The following FYN variants were observed in gnomAD, a reference collection of about 807,000 sequenced individuals.
FYN encodes the protein tyrosine-protein kinase Fyn.
FYN carries 10 observed loss-of-function variants against 70.2 expected under a neutral mutation model. That is an observed-to-expected ratio of 0.14 (90% CI 0.09 to 0.24). The LOEUF is 0.24. Ranked by LOEUF, FYN falls within the 10% of genes least tolerant of loss-of-function variation. The probability of loss-of-function intolerance (pLI) is 1.00; values close to 1 mark genes in which losing one functional copy is unlikely to be tolerated. For missense variants in FYN, 319 were observed against 673.1 expected, an observed-to-expected ratio of 0.47 and a Z score of 5.82; for synonymous variants, 236 against 248.6, an observed-to-expected ratio of 0.95 and a Z score of 0.48.
At position 111,676,372 on chromosome 6, in the gene FYN, T is replaced by A. The variant is rs1005584017; in HGVS notation, c.1274-1742A>T. The A allele has an allele frequency of 2.6e-3, 390 of 152,368 alleles. 1 individual carries two copies. Among genetic ancestry groups the A allele is most frequent in the African/African-American group, 8.9e-3 (372 of 41,588 alleles). 9.4% of individuals were successfully genotyped at this position (152,368 alleles called of 1,614,324 possible). On this transcript the variant is annotated intron_variant, in intron 12 of 13. Coordinates refer to ENST00000354650, the MANE Select transcript of FYN (RefSeq NM_002037.5). ...TTTCCTTTTATGCATGGAGTTATTT[T>A]TAATTAGTTATGTTTCTCAGGCATA...
intron 2 of FYN, among the ~76,000 whole-genome samples, chr6:111,787,137 G>A (rs897038644): frequency 2.6e-5 from 4 of 152,234 alleles, no homozygotes; most frequent in South Asian, 4.2e-4. Flanking sequence ...TGAAGTCCTC[G>A]CTCATGCCTA....
chr6:111,678,104 T>G (rs993439156), intron 12 of FYN, among the ~76,000 whole-genome samples: 8 of 84,108 alleles, frequency 9.5e-5, no homozygotes, highest in African/African-American at 4.2e-4. Flanking sequence ...ACGAAGGCCA[T>G]AATATGTGTG....
intron 12 of FYN, among the ~76,000 whole-genome samples, chr6:111,693,244 G>C (rs1004186964): frequency 6.6e-6 from 1 of 152,054 alleles, no homozygotes; most frequent in African/African-American, 2.4e-5. Context: ...GAAGGAGAAG[G>C]AAAAAGAGAA....
intron 2 of FYN, among the ~76,000 whole-genome samples, chr6:111,788,523 T>C (rs1457281066): frequency 5.3e-5 from 8 of 152,086 alleles, no homozygotes; most frequent in African/African-American, 1.9e-4. Context: ...AGAATGGGGG[T>C]GAGGGGAGAC....
intron 3 of FYN, chr6:111,758,991 C>T (rs555245936): frequency 1.3e-5 from 2 of 152,812 alleles, no homozygotes; most frequent in East Asian, 3.9e-4. Context: ...CATAACTGTC[C>T]ATGCAGTTCC....
At chr6:111,733,625 A>G (rs1801567164) in intron 3 of FYN, among the ~76,000 whole-genome samples, 2 of 151,732 alleles carry the variant, frequency 1.3e-5, no homozygotes, top group African/African-American at 4.8e-5. Flanking sequence ...GCATTAGCCC[A>G]GAACCAGGTT....
chr6:111,755,799 T>A (rs910443568), intron 3 of FYN, among the ~76,000 whole-genome samples: 1 of 152,136 alleles, frequency 6.6e-6, no homozygotes, highest in African/African-American at 2.4e-5. Flanking sequence ...GAAATAATTA[T>A]GGTAATTACA....
chr6:111,783,589 G>A (rs1039984954), intron 2 of FYN, among the ~76,000 whole-genome samples: 4 of 152,214 alleles, frequency 2.6e-5, no homozygotes, highest in Non-Finnish European at 5.9e-5. Flanking sequence ...GTGCTCCCAC[G>A]TAACAATTCT....
At chr6:111,783,801 C>T (rs941773231) in intron 2 of FYN, among the ~76,000 whole-genome samples, 5 of 152,174 alleles carry the variant, frequency 3.3e-5, no homozygotes, top group African/African-American at 1.2e-4. Flanking sequence ...GGAGTGGGGG[C>T]GGGACAGTCC....
At chr6:111,868,384 T>C (rs1280209339) in intron 1 of FYN, among the ~76,000 whole-genome samples, 5 of 152,186 alleles carry the variant, frequency 3.3e-5, no homozygotes, top group South Asian at 2.1e-4. Flanking sequence ...ACAGACCTAA[T>C]TGTGTACCAC....
At chr6:111,848,639 C>CT (rs1773598158) in intron 1 of FYN, among the ~76,000 whole-genome samples, 1 of 152,174 alleles carries the variant, frequency 6.6e-6, no homozygotes, top group African/African-American at 2.4e-5. Flanking sequence ...TCTGAGGACT[C>CT]TAAGCAAGAT....
intron 5 of FYN, among the ~76,000 whole-genome samples, chr6:111,711,240 G>C (rs376417927): frequency 6.6e-6 from 1 of 151,866 alleles, no homozygotes; most frequent in Non-Finnish European, 1.5e-5. Flanking sequence ...GCTTGGGTGG[G>C]GCTCTAAACC....
chr6:111,856,057 C>T (rs759554190), intron 1 of FYN, among the ~76,000 whole-genome samples: 3 of 152,072 alleles, frequency 2.0e-5, no homozygotes, highest in Admixed American at 6.5e-5. Flanking sequence ...TTTGTGCCAT[C>T]TAAATTTGAC....
Position 111,857,860 on chromosome 6 carries a change from T to G in FYN, c.-122-11231A>C, listed in dbSNP as rs536524775. On this transcript the variant is annotated intron_variant, in intron 1 of 13. Transcript: ENST00000354650. ...GGGAGATTACAGACCATCACAGTGA[T>G]GGGGAGAGGATTGAGTCTAGGTGCT... 6.9e-3 allele frequency among the ~76,000 whole-genome samples: 1,045 copies of G among 152,226 alleles called. 9 individuals carry two copies. The highest frequency in any genetic ancestry group is 0.024 in the African/African-American group (978 of 41,524).
intron 2 of FYN, among the ~76,000 whole-genome samples, chr6:111,825,425 T>C (rs1197296332): frequency 6.6e-6 from 1 of 152,194 alleles, no homozygotes; most frequent in Admixed American, 6.5e-5. Flanking sequence ...TCCTAGCATT[T>C]TCTCTATCAC....
chr6:111,781,395 G>A (rs1008948965), intron 2 of FYN, among the ~76,000 whole-genome samples: 3 of 152,266 alleles, frequency 2.0e-5, no homozygotes, highest in Non-Finnish European at 2.9e-5. Context: ...GCATACACTG[G>A]TCTCTTGGCC....
At chr6:111,768,174 T>A (rs934558962) in intron 3 of FYN, among the ~76,000 whole-genome samples, 5 of 152,240 alleles carry the variant, frequency 3.3e-5, no homozygotes, top group Admixed American at 6.5e-5. Context: ...TCTATAGATA[T>A]ACTTTTCACA....
At chr6:111,670,388 T>C (rs1278280286) in intron 13 of FYN, among the ~76,000 whole-genome samples, 3 of 152,180 alleles carry the variant, frequency 2.0e-5, no homozygotes, top group Non-Finnish European at 4.4e-5. Context: ...CACTCTCCCC[T>C]CTCTCCCCTT....
intron 3 of FYN, among the ~76,000 whole-genome samples, chr6:111,778,713 C>T (rs970706064): frequency 6.6e-6 from 1 of 151,888 alleles, no homozygotes; most frequent in Non-Finnish European, 1.5e-5. Context: ...CCAGGATGGT[C>T]TCGATCTCCT....
Sources: gnomAD v4.1 joint callset for allele counts (sites outside exome capture counted in the v4.1 genomes callset) on GRCh38, gnomAD v4.1.1 for gene constraint, MANE v1.5 for transcripts, NCBI Gene and HGNC (gene_info 2026-07-23, HGNC 2026-07-21) for gene names.